The following PRKG1 variants were observed in gnomAD, a reference collection of about 807,000 sequenced individuals.
PRKG1 encodes the protein cGMP-dependent protein kinase 1.
PRKG1 carries 35 observed loss-of-function variants against 88.1 expected under a neutral mutation model. That is an observed-to-expected ratio of 0.40 (90% CI 0.30 to 0.53). The LOEUF is 0.53. PRKG1 is among the 20% of genes least tolerant of loss of function. The pLI, the probability that PRKG1 is intolerant of heterozygous loss-of-function variation, is 0.59. For missense variants in PRKG1, 540 were observed against 839.8 expected, an observed-to-expected ratio of 0.64 and a Z score of 4.41; for synonymous variants, 303 against 292.5, an observed-to-expected ratio of 1.04 and a Z score of -0.37.
At chr10:52,113,973 G>T (rs1847627805) in intron 7 of PRKG1, among the ~76,000 whole-genome samples, 1 of 151,600 alleles carries the variant, frequency 6.6e-6, no homozygotes, top group African/African-American at 2.4e-5. Context: ...TTACTGCAGA[G>T]AAAATGTTAA....
At chr10:51,872,416 A>G (rs1215262657) in intron 4 of PRKG1, among the ~76,000 whole-genome samples, 1 of 152,154 alleles carries the variant, frequency 6.6e-6, no homozygotes, top group Admixed American at 6.6e-5. Flanking sequence ...TTTAATTCTT[A>G]TTAACGTGAT....
chr10:51,963,799 C>T (rs550430877), intron 5 of PRKG1, among the ~76,000 whole-genome samples: 45 of 152,224 alleles, frequency 3.0e-4, no homozygotes, highest in African/African-American at 1.0e-3. Flanking sequence ...GTAAAATCTT[C>T]AAAACACTGT....
chr10:51,211,370 A>T (rs568528689), intron 2 of PRKG1, among the ~76,000 whole-genome samples: 1 of 152,136 alleles, frequency 6.6e-6, no homozygotes, highest in Non-Finnish European at 1.5e-5. Context: ...TACTGAATGG[A>T]CAAAAACTGG....
intron 5 of PRKG1, among the ~76,000 whole-genome samples, chr10:51,912,075 G>A (rs1369121880): frequency 3.3e-5 from 5 of 152,156 alleles, no homozygotes; most frequent in African/African-American, 1.2e-4. Context: ...TAATTACTAA[G>A]GGAAGAACTC....
chr10:51,323,717 C>G (rs1324152779), intron 2 of PRKG1, among the ~76,000 whole-genome samples: 2 of 152,116 alleles, frequency 1.3e-5, no homozygotes, highest in Non-Finnish European at 2.9e-5. Flanking sequence ...ACCTGTAATC[C>G]CAGCACTTTG....
chr10:51,309,609 A>G (rs1372126965), intron 2 of PRKG1, among the ~76,000 whole-genome samples: 1 of 152,168 alleles, frequency 6.6e-6, no homozygotes, highest in Non-Finnish European at 1.5e-5. Context: ...GTCGATGAGG[A>G]TGCAGAGAAA....
intron 5 of PRKG1, among the ~76,000 whole-genome samples, chr10:52,044,413 C>T (rs1845818027): frequency 6.6e-6 from 1 of 152,088 alleles, no homozygotes; most frequent in Admixed American, 6.6e-5. Flanking sequence ...TCTACCTATG[C>T]ACACCTTTAA....
intron 16 of PRKG1, among the ~76,000 whole-genome samples, chr10:52,289,924 T>C (rs924215390): frequency 2.6e-5 from 4 of 152,166 alleles, no homozygotes; most frequent in African/African-American, 9.6e-5. Context: ...AGACACATTA[T>C]GACATGTATT....
chr10:51,412,412 A>G (rs972039939), intron 2 of PRKG1, among the ~76,000 whole-genome samples: 2 of 152,104 alleles, frequency 1.3e-5, no homozygotes, highest in Non-Finnish European at 2.9e-5. Flanking sequence ...TGGGAAGATA[A>G]GGCAGGTAGA....
chr10:51,504,923 A>G (rs1841150039), intron 3 of PRKG1, among the ~76,000 whole-genome samples: 1 of 152,130 alleles, frequency 6.6e-6, no homozygotes, highest in African/African-American at 2.4e-5. Flanking sequence ...GCAAACAGGG[A>G]CAATTTGACT....
intron 7 of PRKG1, among the ~76,000 whole-genome samples, chr10:52,077,215 T>C (rs774117875): frequency 8.5e-5 from 13 of 152,112 alleles, no homozygotes; most frequent in African/African-American, 1.2e-4. Context: ...AATGAAGTAG[T>C]ATGTAGCAAT....
chr10:51,817,893 C>T (rs1017441505), intron 4 of PRKG1, among the ~76,000 whole-genome samples: 2 of 152,068 alleles, frequency 1.3e-5, no homozygotes, highest in Non-Finnish European at 2.9e-5. Flanking sequence ...TCAATACATT[C>T]ATATGTATAA....
chr10:52,076,431 C>T (rs1286704176), intron 7 of PRKG1, among the ~76,000 whole-genome samples: 3 of 152,130 alleles, frequency 2.0e-5, no homozygotes, highest in Non-Finnish European at 4.4e-5. Flanking sequence ...GTGGTGTGCA[C>T]CTGTGATCCC....
intron 2 of PRKG1, among the ~76,000 whole-genome samples, chr10:51,424,119 T>G (rs182661426): frequency 6.6e-6 from 1 of 152,100 alleles, no homozygotes; most frequent in Non-Finnish European, 1.5e-5. Flanking sequence ...ATACCTAAGA[T>G]AAAACATACT....
chr10:51,367,893 T>G (rs2132601293), intron 2 of PRKG1, among the ~76,000 whole-genome samples: 1 of 152,074 alleles, frequency 6.6e-6, no homozygotes, highest in East Asian at 1.9e-4. Flanking sequence ...GTCCTTAATT[T>G]ACATTGCTTA....
rs71032630 is a variant in PRKG1 at position 52,224,808 on chromosome 10, CATATATATATATAT to C, written c.1077-26744_1077-26731del. The stretch of plus-strand genomic sequence containing the variant: ...TTTTTATGGCTGCATAGTATTCCAT[CATATATATATATAT>C]ATATATATATATATATACATACATA... On this transcript the variant is annotated intron_variant, in intron 9 of 17. Transcript: ENST00000373980. 2.9e-4 allele frequency among the ~76,000 whole-genome samples: 31 copies of C among 106,368 alleles called. 2 individuals are homozygous for C. Among genetic ancestry groups the C allele is most frequent in the Non-Finnish European group, 4.2e-4 (22 of 52,262 alleles). 69.8% of individuals were successfully genotyped at this position (106,368 alleles called of 152,430 possible).
chr10:51,492,894 G>C (rs1401535813), intron 3 of PRKG1, among the ~76,000 whole-genome samples: 1 of 152,012 alleles, frequency 6.6e-6, no homozygotes, highest in Non-Finnish European at 1.5e-5. Flanking sequence ...ACATCAAGTA[G>C]AAAAAAGATT....
At chr10:52,169,012 G>A (rs1223356153) in intron 9 of PRKG1, among the ~76,000 whole-genome samples, 1 of 152,172 alleles carries the variant, frequency 6.6e-6, no homozygotes, top group Non-Finnish European at 1.5e-5. Flanking sequence ...ACATTTCGAT[G>A]TTAGATAGTA....
At chr10:51,298,701 A>G (rs1232347664) in intron 2 of PRKG1, among the ~76,000 whole-genome samples, 4 of 152,244 alleles carry the variant, frequency 2.6e-5, no homozygotes, top group Non-Finnish European at 5.9e-5. Context: ...GATGGATGAA[A>G]GAATATCATG....
Sources: allele counts gnomAD v4.1 joint callset (sites outside exome capture counted in the v4.1 genomes callset), GRCh38; gene constraint gnomAD v4.1.1; transcripts MANE v1.5; gene names NCBI Gene and HGNC (gene_info 2026-07-23, HGNC 2026-07-21).